The following FAM161B variants were observed in gnomAD, a reference collection of about 807,000 sequenced individuals.
The protein encoded by FAM161B is protein FAM161B.
Under a neutral mutation model 61.5 loss-of-function variants are expected in FAM161B, and 46 were observed. The ratio of observed to expected loss-of-function variants is 0.75; its 90% confidence interval spans 0.59 to 0.96. The LOEUF is 0.96. FAM161B is among the 40% of genes least tolerant of loss of function. The pLI, the probability that FAM161B is intolerant of heterozygous loss-of-function variation, is 0.00. For missense variants in FAM161B, 774 were observed against 800.7 expected (o/e 0.97, Z 0.40); for synonymous variants, 284 against 302.7 (o/e 0.94, Z 0.64).
downstream of FAM161B, among the ~76,000 whole-genome samples, chr14:73,928,551 G>C (rs1441982366): frequency 5.9e-5 from 9 of 152,150 alleles, no homozygotes; most frequent in Non-Finnish European, 1.2e-4. Context: ...TTGTTCCCTA[G>C]AACCTAGGCA....
At chr14:73,931,356 G>A (rs376012631), downstream of FAM161B, 11 of 638,700 alleles carry the variant, frequency 1.7e-5, no homozygotes, top group East Asian at 1.6e-4. Context: ...CTATCAGTCC[G>A]TGCATGTGTT....
intron 7 of FAM161B, 113 bp from the exon 8 acceptor site, chr14:73,936,201 G>A (rs2055970145): frequency 2.4e-6 from 3 of 1,236,060 alleles, no homozygotes; most frequent in Non-Finnish European, 3.3e-6. Flanking sequence ...CCTTATTGTG[G>A]GGCATAGATT....
chr14:73,924,271 A>G, the FAM161B span, among the ~76,000 whole-genome samples: 1 of 152,158 alleles, frequency 6.6e-6, no homozygotes, highest in Non-Finnish European at 1.5e-5. Flanking sequence ...TTGCGCTCCT[A>G]TGAGAATCTG....
chr14:73,938,285 C>A lies in FAM161B; in HGVS notation c.1401-173G>T, dbSNP rs1255116864. On this transcript the variant is annotated intron_variant, in intron 5 of 8. Transcript: ENST00000286544. ...ACCAGCCTGGCCAATACGGTGAAACCCCAGCTCTACTAAAAATACAAAAAT... is the reference window on the plus strand; with the variant it reads ...ACCAGCCTGGCCAATACGGTGAAACACCAGCTCTACTAAAAATACAAAAAT... 2.6e-4 allele frequency among the ~76,000 whole-genome samples: 39 copies of A among 151,798 alleles called. 1 individual carries two copies. Among genetic ancestry groups the A allele is most frequent in the Admixed American group, 2.5e-3 (38 of 15,220 alleles).
downstream of FAM161B, among the ~76,000 whole-genome samples, chr14:73,926,849 C>T (rs2055840588): frequency 1.3e-5 from 2 of 152,120 alleles, no homozygotes; most frequent in Admixed American, 1.3e-4. Context: ...CTGGTAGTTA[C>T]ATTTAGAGGT....
chr14:73,946,559 A>G lies in FAM161B; in HGVS notation c.101T>C (p.Leu34Pro), dbSNP rs1280998108. 1 of 1,614,078 alleles carries G rather than the reference A, an allele frequency of 6.2e-7. No individual in the cohort carries two copies. The highest frequency in any genetic ancestry group is 8.5e-7 in the Non-Finnish European group (1 of 1,180,020). Reference protein sequence around the residue: ...SFADTEAGEELSGDGLVLPRA... With the variant: ...SFADTEAGEEPSGDGLVLPRA... ...GGGCAAAACCAGCCCATCCCCGGAC[A>G]GCTCCTCTCCTGCCTCTGTGTCTGC... is the stretch of plus-strand genomic sequence containing the variant. The change falls in exon 2 of 9, where the codon CTG (leucine) becomes CCG (proline). Residue 34 changes from leucine (L) to proline (P), a missense_variant. Physicochemically the swap from Leu to Pro is moderately conservative, Grantham distance 98. Coordinates refer to ENST00000286544, the MANE Select transcript of FAM161B (RefSeq NM_152445.3).
downstream of FAM161B, among the ~76,000 whole-genome samples, chr14:73,927,507 C>T (rs2055851157): frequency 6.6e-6 from 1 of 152,144 alleles, no homozygotes; most frequent in Non-Finnish European, 1.5e-5. Context: ...GCAAGCCAAC[C>T]CACAGCACCT....
chr14:73,930,465 A>G (rs762795212), downstream of FAM161B, among the ~76,000 whole-genome samples: 3 of 151,310 alleles, frequency 2.0e-5, no homozygotes, highest in Admixed American at 6.6e-5. Flanking sequence ...GCCCAGCCCA[A>G]TCATTAAATT....
At chr14:73,925,894 C>T in the FAM161B span, among the ~76,000 whole-genome samples, 3 of 152,040 alleles carry the variant, frequency 2.0e-5, no homozygotes, top group Non-Finnish European at 4.4e-5. Context: ...ATTAGCGGGA[C>T]GTGGTGGCAT....
At chr14:73,931,337 C>G (rs1015909190), downstream of FAM161B, among the ~76,000 whole-genome samples, 1 of 152,204 alleles carries the variant, frequency 6.6e-6, no homozygotes, top group Non-Finnish European at 1.5e-5. Context: ...CCCAAGGCCA[C>G]AGTGACATCT....
At chr14:73,935,362 C>T (rs1170044634) in intron 8 of FAM161B, among the ~76,000 whole-genome samples, 2 of 151,920 alleles carry the variant, frequency 1.3e-5, no homozygotes, top group African/African-American at 4.8e-5. Context: ...CCCGTCTCTA[C>T]TAAAAATACA....
At position 73,944,553 on chromosome 14, in the gene FAM161B, C is replaced by G; in HGVS notation, c.707G>C (p.Arg236Pro). Reference sequence around the variant, plus strand: ...CCCTGCCTGCCTTCGGGCCTCGCTGCGCTCCATGATCTCTTGGTAGAGGGG... The same window carrying G: ...CCCTGCCTGCCTTCGGGCCTCGCTGGGCTCCATGATCTCTTGGTAGAGGGG... ...YLPLYQEIMERSEARRQAGIQ... is the reference protein window; with the variant it reads ...YLPLYQEIMEPSEARRQAGIQ... Residue 236 changes from arginine (R) to proline (P), a missense_variant, in exon 3 of 9, where the codon CGC becomes CCC. Physicochemically the swap from Arg to Pro is moderately radical, Grantham distance 103. Transcript: ENST00000286544. 6.2e-7 allele frequency: 1 copy of G among 1,614,076 alleles called. No homozygotes were observed. The highest frequency in any genetic ancestry group is 8.5e-7 in the Non-Finnish European group (1 of 1,180,014).
chr14:73,927,017 T>G (rs1407259621), downstream of FAM161B: 1 of 154,576 alleles, frequency 6.5e-6, no homozygotes, highest in Non-Finnish European at 1.4e-5. Flanking sequence ...GATCATAGCC[T>G]AGATCTATTT....
At chr14:73,931,814 A>G, downstream of FAM161B, 1 of 473,716 alleles carries the variant, frequency 2.1e-6, no homozygotes, top group Non-Finnish European at 4.0e-6. Flanking sequence ...GGATAGACCA[A>G]AAGTGAATTT....
chr14:73,946,304 T>G lies in FAM161B; in HGVS notation c.356A>C (p.Gln119Pro). Reference sequence around the variant, plus strand: ...GCCTTACCTCAGAGCCTGCGGGCACTGGACCTGCACCATCCCCCTGTCCTT... The same window carrying G: ...GCCTTACCTCAGAGCCTGCGGGCACGGGACCTGCACCATCCCCCTGTCCTT... The part of the protein sequence containing the change: ...QDKDRGMVQV[Q>P]CPQALRCGST... Residue 119 changes from glutamine to proline, a missense_variant, in exon 2 of 9, where the codon CAG becomes CCG. Gln to Pro is a moderately conservative substitution (Grantham distance 76). Coordinates refer to ENST00000286544, the MANE Select transcript of FAM161B (RefSeq NM_152445.3). 6.2e-7 allele frequency: 1 copy of G among 1,613,368 alleles called. No individual in the cohort carries two copies. The highest frequency in any genetic ancestry group is 8.5e-7 in the Non-Finnish European group (1 of 1,179,448).
At chr14:73,938,274 T>G (rs1402983762) in intron 5 of FAM161B, among the ~76,000 whole-genome samples, 162 bp from the exon 6 acceptor site, 1 of 151,282 alleles carries the variant, frequency 6.6e-6, no homozygotes, top group Non-Finnish European at 1.5e-5. Context: ...GCCTGGCCAA[T>G]ACGGTGAAAC....
intron 1 of FAM161B, among the ~76,000 whole-genome samples, chr14:73,948,922 A>ATTTT (rs542417797): frequency 3.5e-5 from 5 of 144,462 alleles, no homozygotes; most frequent in African/African-American, 1.3e-4. Context: ...CACCTGGCTA[A>ATTTT]TTTTTTTTTT....
At chr14:73,941,188 G>A in intron 4 of FAM161B, 135 bp from the exon 5 acceptor site, 1 of 1,114,648 alleles carries the variant, frequency 9.0e-7, no homozygotes, top group Non-Finnish European at 1.2e-6. Context: ...CGCAATCTCG[G>A]CTCACTGCAA....
In FAM161B at chr14:73,944,607, G is replaced by A. The variant is rs757414503; in HGVS notation, c.653C>T (p.Ala218Val). 4.3e-6 allele frequency: 7 copies of A among 1,613,930 alleles called. No individual in the cohort carries two copies. The highest frequency in any genetic ancestry group is 2.2e-5 in the East Asian group (1 of 44,872). The change falls in exon 3 of 9, where the codon GCA becomes GTA. Residue 218 changes from alanine to valine, a missense_variant. Physicochemically the swap from Ala to Val is moderately conservative, Grantham distance 64. Coordinates refer to ENST00000286544, the MANE Select transcript of FAM161B (RefSeq NM_152445.3). ...GTAGACATGTGCAGGCACAGGCTGT[G>A]CCCGGAACTGCCTGTGGCACTCGGC... is the stretch of plus-strand genomic sequence containing the variant. ...EEAECHRQFRAQPVPAHVYLP... is the reference protein window; with the variant it reads ...EEAECHRQFRVQPVPAHVYLP...
Sources: allele counts gnomAD v4.1 joint callset (sites outside exome capture counted in the v4.1 genomes callset), GRCh38; gene constraint gnomAD v4.1.1; transcripts MANE v1.5; gene names NCBI Gene and HGNC (gene_info 2026-07-23, HGNC 2026-07-21).